The following POLK variants were observed in gnomAD, a reference collection of about 807,000 sequenced individuals.
POLK encodes polymerase (DNA directed) kappa.
Under a neutral mutation model 94.0 loss-of-function variants are expected in POLK, and 76 were observed. The ratio of observed to expected loss-of-function variants is 0.81; its 90% confidence interval spans 0.67 to 0.98. POLK has a LOEUF of 0.98. POLK is among the 50% of genes least tolerant of loss of function. POLK has a pLI of 0.00. For missense variants in POLK, 954 were observed against 1,010.1 expected (o/e 0.94, Z 0.75); for synonymous variants, 349 against 325.4 (o/e 1.07, Z -0.78).
chr5:75,557,153 T>C (rs1213098907), intron 3 of POLK, among the ~76,000 whole-genome samples: 1 of 152,256 alleles, frequency 6.6e-6, no homozygotes, highest in Non-Finnish European at 1.5e-5. Flanking sequence ...TATGTGAGTC[T>C]ATTTCTGGGC....
intron 3 of POLK, among the ~76,000 whole-genome samples, chr5:75,558,093 A>G (rs1003602184): frequency 1.3e-5 from 2 of 152,084 alleles, no homozygotes; most frequent in Non-Finnish European, 2.9e-5. Flanking sequence ...TGGGCCTGTA[A>G]TGTGTTTTAA....
At chr5:75,562,207 T>G (rs915486217) in intron 3 of POLK, among the ~76,000 whole-genome samples, 3 of 152,224 alleles carry the variant, frequency 2.0e-5, no homozygotes, top group Non-Finnish European at 4.4e-5. Context: ...GTAGCTCTCC[T>G]TGAAGAGGTC....
intron 2 of POLK, among the ~76,000 whole-genome samples, chr5:75,548,895 AAAGTT>A (rs1317093785): frequency 6.6e-6 from 1 of 152,098 alleles, no homozygotes; most frequent in African/African-American, 2.4e-5. Context: ...TCCACGATAA[AAAGTT>A]AAGGAATTAT....
chr5:75,570,442 C>T (rs1448488850), intron 4 of POLK, among the ~76,000 whole-genome samples: 2 of 152,104 alleles, frequency 1.3e-5, no homozygotes, highest in African/African-American at 4.8e-5. Context: ...TATTGTTGCA[C>T]TAAAAGAGCA....
chr5:75,596,352 T>A (rs1318728912), exon 13 of POLK: 1 of 1,613,450 alleles, frequency 6.2e-7, no homozygotes, highest in East Asian at 2.2e-5. Flanking sequence ...CTGACAAAGA[T>A]AAGTTTGTAA....
intron 3 of POLK, among the ~76,000 whole-genome samples, chr5:75,552,974 A>G (rs764022288): frequency 2.6e-5 from 4 of 152,132 alleles, no homozygotes; most frequent in Non-Finnish European, 5.9e-5. Flanking sequence ...TGCAATGCTG[A>G]TTTTGCAAAA....
intron 1 of POLK, among the ~76,000 whole-genome samples, chr5:75,542,750 TG>T (rs1769812073): frequency 6.7e-6 from 1 of 149,646 alleles, no homozygotes; most frequent in Admixed American, 6.7e-5. Context: ...CAGGCTGCAG[TG>T]CAGTGGCGTG....
intron 1 of POLK, among the ~76,000 whole-genome samples, chr5:75,529,252 G>A (rs1561337848): frequency 1.3e-5 from 2 of 152,056 alleles, no homozygotes; most frequent in Admixed American, 1.3e-4. Flanking sequence ...TACATGGAGA[G>A]AGCAGGAGCA....
chr5:75,573,974 C>A, intron 5 of POLK, 105 bp downstream of exon 5: 1 of 1,096,902 alleles, frequency 9.1e-7, no homozygotes, highest in Non-Finnish European at 1.4e-6. Flanking sequence ...CTTAGCTTAT[C>A]CTTTCAGTTG....
downstream of POLK, among the ~76,000 whole-genome samples, chr5:75,605,044 G>A (rs1347396680): frequency 2.6e-5 from 4 of 151,892 alleles, no homozygotes; most frequent in Admixed American, 6.6e-5. Flanking sequence ...ATAATTCAGA[G>A]GCAAATGGTA....
intron 6 of POLK, among the ~76,000 whole-genome samples, chr5:75,580,921 C>T (rs1772163481): frequency 6.8e-6 from 1 of 147,678 alleles, no homozygotes; most frequent in Non-Finnish European, 1.5e-5. Context: ...TTCTGAATTT[C>T]AATTAATTTA....
At chr5:75,609,716 A>T in the POLK span, 2 of 152,154 alleles carry the variant, frequency 1.3e-5, no homozygotes, top group Admixed American at 1.3e-4. Context: ...TCATATCTCT[A>T]TTACAAACAT....
chr5:75,552,429 C>A, intron 2 of POLK, 43 bp from the exon 3 acceptor site: 2 of 1,589,710 alleles, frequency 1.3e-6, no homozygotes, highest in South Asian at 2.3e-5. Context: ...TGATGCTTTC[C>A]TTCAGACATT....
At chr5:75,560,483 C>T (rs755900680) in intron 3 of POLK, among the ~76,000 whole-genome samples, 9 of 152,042 alleles carry the variant, frequency 5.9e-5, no homozygotes, top group Non-Finnish European at 1.2e-4. Context: ...AGGACCCGAA[C>T]CAAAGCCGTT....
At chr5:75,584,970 T>C in intron 9 of POLK, 44 bp downstream of exon 9, 2 of 1,288,190 alleles carry the variant, frequency 1.6e-6, no homozygotes, top group Non-Finnish European at 2.2e-6. Flanking sequence ...CAGCATTTGC[T>C]GCAATATCAG....
At chr5:75,565,193 C>T (rs1771205464) in intron 3 of POLK, among the ~76,000 whole-genome samples, 1 of 152,110 alleles carries the variant, frequency 6.6e-6, no homozygotes, top group African/African-American at 2.4e-5. Flanking sequence ...CTTGTGTATG[C>T]TTCCCGAAGT....
At chr5:75,583,359 A>G (rs758555974) in exon 8 of POLK, 3 of 1,605,908 alleles carry the variant, frequency 1.9e-6, no homozygotes, top group Admixed American at 3.3e-5. Flanking sequence ...GGACAATACC[A>G]AATTCTTCCC....
chr5:75,517,084 C>A (rs1228404727), intron 1 of POLK, among the ~76,000 whole-genome samples: 1 of 152,016 alleles, frequency 6.6e-6, no homozygotes, highest in African/African-American at 2.4e-5. Flanking sequence ...GTGTGATGCC[C>A]CAAGCTTTGT....
intron 1 of POLK, among the ~76,000 whole-genome samples, chr5:75,535,141 G>A (rs958050320): frequency 6.6e-6 from 1 of 152,176 alleles, no homozygotes; most frequent in African/African-American, 2.4e-5. Flanking sequence ...CCTCAGTAAG[G>A]CAGGTATAGT....
Sources: allele counts gnomAD v4.1 joint callset (sites outside exome capture counted in the v4.1 genomes callset), GRCh38; gene constraint gnomAD v4.1.1; transcripts MANE v1.5; gene names NCBI Gene and HGNC (gene_info 2026-07-23, HGNC 2026-07-21).